The following TLL1 variants were observed in gnomAD, a reference collection of about 807,000 sequenced individuals.
TLL1 encodes tolloid-like protein 1.
A neutral mutation model predicts 128.2 loss-of-function variants in TLL1; 49 were observed. The ratio of observed to expected loss-of-function variants is 0.38; its 90% CI spans 0.30 to 0.48. TLL1 has a LOEUF of 0.48. TLL1 is among the 20% of genes least tolerant of loss of function. The pLI is 0.96. For missense variants in TLL1, 1,123 were observed against 1,242.0 expected, an observed-to-expected ratio of 0.90 and a Z score of 1.44; for synonymous variants, 454 against 418.8, an observed-to-expected ratio of 1.08 and a Z score of -1.03.
chr4:166,033,054 G>A (rs1387736334), intron 9 of TLL1, among the ~76,000 whole-genome samples: 1 of 152,066 alleles, frequency 6.6e-6, no homozygotes, highest in African/African-American at 2.4e-5. Context: ...TATTTCACCT[G>A]TAATATTGGT....
At chr4:165,930,906 T>A (rs1040031767) in intron 1 of TLL1, among the ~76,000 whole-genome samples, 2 of 152,220 alleles carry the variant, frequency 1.3e-5, no homozygotes, top group Non-Finnish European at 2.9e-5. Flanking sequence ...AAAGTGATCT[T>A]GAATAGTATG....
At chr4:166,054,991 G>T in intron 12 of TLL1, 85 bp from the exon 13 acceptor site, 1 of 1,101,686 alleles carries the variant, frequency 9.1e-7, no homozygotes, top group East Asian at 2.6e-5. Context: ...CAAATCAGAA[G>T]TATGGCACTG....
chr4:165,981,210 A>G (rs1341490882), intron 1 of TLL1, among the ~76,000 whole-genome samples: 1 of 152,064 alleles, frequency 6.6e-6, no homozygotes, highest in Admixed American at 6.6e-5. Context: ...TCAGTTAACC[A>G]GATAGTTCAA....
At chr4:166,052,965 G>GTGTGTGTGTGTGTA in intron 12 of TLL1, among the ~76,000 whole-genome samples, 10 of 99,622 alleles carry the variant, frequency 1.0e-4, no homozygotes, top group African/African-American at 3.8e-4. Flanking sequence ...GAGGTTATGT[G>GTGTGTGTGTGTGTA]TATATATATA....
intron 18 of TLL1, among the ~76,000 whole-genome samples, chr4:166,083,975 G>A (rs1039391165): frequency 2.0e-5 from 3 of 151,934 alleles, no homozygotes; most frequent in African/African-American, 7.2e-5. Flanking sequence ...ACTTTTTTCT[G>A]ATGGCTGTAC....
intron 7 of TLL1, among the ~76,000 whole-genome samples, chr4:166,010,265 A>AATATGAACATGGGTGTGCAAATCTT (rs1737628394): frequency 2.0e-5 from 3 of 151,384 alleles, no homozygotes; most frequent in Non-Finnish European, 3.0e-5. Context: ...GAATAATGCT[A>AATATGAACATGGGTGTGCAAATCTT]ATATGAACAT....
chr4:165,904,485 C>T (rs1458349620), intron 1 of TLL1, among the ~76,000 whole-genome samples: 1 of 152,040 alleles, frequency 6.6e-6, no homozygotes, highest in African/African-American at 2.4e-5. Context: ...AGTGTGTACC[C>T]CTTATAAGCA....
chr4:165,935,388 C>T (rs1044831816), intron 1 of TLL1, among the ~76,000 whole-genome samples: 3 of 152,330 alleles, frequency 2.0e-5, no homozygotes. Flanking sequence ...GTCTCTTTTG[C>T]TCTAGCAGTA....
At chr4:165,878,790 A>G (rs1730835126) in intron 1 of TLL1, among the ~76,000 whole-genome samples, 1 of 151,990 alleles carries the variant, frequency 6.6e-6, no homozygotes, top group Admixed American at 6.6e-5. Context: ...TGCCCAGTCA[A>G]CCCTACTTGA....
chr4:165,923,421 C>CTTTTTTTTTTTTTTTTTTTTTTTTTTT lies in TLL1; in HGVS notation c.169+49373_169+49374insTTTTTTTTTTTTTTTTTTTTTTTTTTT, dbSNP rs758162016. 7.2e-4 allele frequency among the ~76,000 whole-genome samples: 51 copies of CTTTTTTTTTTTTTTTTTTTTTTTTTTT among 70,848 alleles called. 12 individuals are homozygous for CTTTTTTTTTTTTTTTTTTTTTTTTTTT. The highest frequency in any genetic ancestry group is 8.9e-4 in the Non-Finnish European group (35 of 39,158). 46.5% of individuals were successfully genotyped at this position (70,848 alleles called of 152,430 possible). ...AAGTGCATCGGAAATATAGGTATAC[C>CTTTTTTTTTTTTTTTTTTTTTTTTTTT]TTTTTTTTTTTTTTTTTTTTTTTTT... is the stretch of plus-strand genomic sequence containing the variant. On this transcript the variant is annotated intron_variant, in intron 1 of 20. Transcript: ENST00000061240.
intron 1 of TLL1, among the ~76,000 whole-genome samples, chr4:165,978,717 G>T (rs1455605128): frequency 3.3e-5 from 5 of 152,056 alleles, no homozygotes; most frequent in African/African-American, 1.2e-4. Context: ...TTGTTTCTTT[G>T]CATTAAGTTG....
chr4:166,096,891 G>A (rs1468974989), intron 19 of TLL1, among the ~76,000 whole-genome samples: 1 of 151,998 alleles, frequency 6.6e-6, no homozygotes, highest in Admixed American at 6.6e-5. Context: ...GATTAATAGT[G>A]CTTTAAATTG....
intron 12 of TLL1, among the ~76,000 whole-genome samples, chr4:166,047,790 A>G (rs1287064681): frequency 1.6e-4 from 24 of 152,116 alleles, no homozygotes; most frequent in Non-Finnish European, 4.4e-5. Flanking sequence ...TAATTATACC[A>G]TTTGGGAAGT....
chr4:166,007,541 T>C (rs1009273383), intron 6 of TLL1, among the ~76,000 whole-genome samples: 9 of 151,746 alleles, frequency 5.9e-5, no homozygotes, highest in Non-Finnish European at 1.0e-4. Context: ...AATAGGAAGA[T>C]GATTTTTGTA....
chr4:165,966,866 C>G (rs1007769657), intron 1 of TLL1, among the ~76,000 whole-genome samples: 4 of 152,234 alleles, frequency 2.6e-5, no homozygotes, highest in Non-Finnish European at 5.9e-5. Context: ...ACTGGGCACG[C>G]ATTATCATTG....
At chr4:165,959,522 A>C (rs944627024) in intron 1 of TLL1, among the ~76,000 whole-genome samples, 51 of 152,246 alleles carry the variant, frequency 3.3e-4, no homozygotes, top group African/African-American at 9.6e-4. Flanking sequence ...TATTCCTCCC[A>C]ACAACTAAAG....
chr4:165,952,282 TA>T (rs1734562653), intron 1 of TLL1, among the ~76,000 whole-genome samples: 1 of 152,182 alleles, frequency 6.6e-6, no homozygotes, highest in South Asian at 2.1e-4. Context: ...GTTGATCTAT[TA>T]AAACTACAAA....
intron 9 of TLL1, chr4:166,030,395 C>T: frequency 2.3e-6 from 1 of 442,748 alleles, no homozygotes; most frequent in Admixed American, 3.9e-5. Context: ...TTTATATATT[C>T]TGGTTATTAA....
chr4:166,017,442 G>A (rs776569324), intron 8 of TLL1, among the ~76,000 whole-genome samples: 5 of 151,834 alleles, frequency 3.3e-5, no homozygotes, highest in Non-Finnish European at 5.9e-5. Flanking sequence ...ATTTTCCTTC[G>A]GATATATGCT....
Sources: gnomAD v4.1 joint callset for allele counts (sites outside exome capture counted in the v4.1 genomes callset) on GRCh38, gnomAD v4.1.1 for gene constraint, MANE v1.5 for transcripts, NCBI Gene and HGNC (gene_info 2026-07-23, HGNC 2026-07-21) for gene names.